The following CCDC7 variants were observed in gnomAD, a reference collection of about 807,000 sequenced individuals.
CCDC7 encodes coiled-coil domain containing 7, also known as coiled-coil domain-containing protein 7.
Under a neutral mutation model 196.9 loss-of-function variants are expected in CCDC7, and 183 were observed. The ratio of observed to expected loss-of-function variants is 0.93; its 90% CI spans 0.82 to 1.05. CCDC7 has a LOEUF of 1.05. CCDC7 is among the 50% of genes least tolerant of loss of function. CCDC7 has a pLI of 0.00. For synonymous variants in CCDC7, 525 were observed against 484.6 expected (o/e 1.08, Z -1.10); for missense variants, 1,540 against 1,482.2 (o/e 1.04, Z -0.64).
At chr10:32,624,157 T>G (rs1452661299) in intron 18 of CCDC7, among the ~76,000 whole-genome samples, 1 of 152,158 alleles carries the variant, frequency 6.6e-6, no homozygotes, top group African/African-American at 2.4e-5. Context: ...TATAAAAAAT[T>G]CAACCACTTT....
chr10:32,514,915 C>T (rs2046789382), intron 9 of CCDC7, among the ~76,000 whole-genome samples: 1 of 152,206 alleles, frequency 6.6e-6, no homozygotes, highest in Non-Finnish European at 1.5e-5. Flanking sequence ...GCTGCTAACT[C>T]CTAGGCCCAA....
chr10:32,796,699 A>G (rs1357149499), intron 29 of CCDC7, among the ~76,000 whole-genome samples: 1 of 152,080 alleles, frequency 6.6e-6, no homozygotes, highest in African/African-American at 2.4e-5. Flanking sequence ...TGCTTTTCAC[A>G]CTTTATGAGA....
chr10:32,631,205 G>C (rs1243860308), intron 18 of CCDC7, among the ~76,000 whole-genome samples: 1 of 152,026 alleles, frequency 6.6e-6, no homozygotes, highest in South Asian at 2.1e-4. Flanking sequence ...TGTGCTTTTG[G>C]TGTCATATCC....
At chr10:32,733,973 G>C in intron 28 of CCDC7, among the ~76,000 whole-genome samples, 1 of 152,170 alleles carries the variant, frequency 6.6e-6, no homozygotes, top group East Asian at 1.9e-4. Context: ...CTTACACACT[G>C]TTGGTGGGAG....
intron 11 of CCDC7, among the ~76,000 whole-genome samples, chr10:32,526,110 T>C (rs1447298785): frequency 6.6e-6 from 1 of 152,252 alleles, no homozygotes; most frequent in Admixed American, 6.5e-5. Context: ...CTGCTATGGC[T>C]AAGCTGGAAC....
chr10:32,777,886 T>G (rs1047712199), intron 28 of CCDC7, among the ~76,000 whole-genome samples: 1 of 152,174 alleles, frequency 6.6e-6, no homozygotes, highest in African/African-American at 2.4e-5. Context: ...ATAGCCATTC[T>G]GACTGGTGTG....
chr10:32,676,477 A>G (rs2074995957), intron 21 of CCDC7, among the ~76,000 whole-genome samples: 1 of 151,646 alleles, frequency 6.6e-6, no homozygotes, highest in African/African-American at 2.4e-5. Context: ...TCATCTGACA[A>G]AGGGCTAATA....
chr10:32,835,823 C>T (rs950435836), intron 33 of CCDC7, among the ~76,000 whole-genome samples: 4 of 151,830 alleles, frequency 2.6e-5, no homozygotes, highest in African/African-American at 7.3e-5. Context: ...ACTTGTACCC[C>T]GAACTTAAAA....
At chr10:32,718,483 C>T (rs1038712590) in intron 25 of CCDC7, among the ~76,000 whole-genome samples, 1 of 152,188 alleles carries the variant, frequency 6.6e-6, no homozygotes, top group Admixed American at 6.5e-5. Context: ...TGCCCTCTCT[C>T]ACCACTCCTA....
rs1201203396 is a variant in CCDC7 at position 32,700,269 on chromosome 10, A to G, written c.2458+5277A>G. Reference sequence around the variant, plus strand: ...AAGGGATCCAGATTCAGCTTTCTCCATATGGCTAGCCAGTTTTCCTAGCAC... The same window carrying G: ...AAGGGATCCAGATTCAGCTTTCTCCGTATGGCTAGCCAGTTTTCCTAGCAC... On this transcript the variant is annotated intron_variant, in intron 24 of 41. Coordinates refer to ENST00000639629, the Ensembl canonical transcript of CCDC7. Among the ~76,000 whole-genome samples, 4 of 149,530 alleles carry G rather than the reference A, an allele frequency of 2.7e-5. 1 individual carries two copies. The highest frequency in any genetic ancestry group is 7.7e-5 in the African/African-American group (3 of 38,874).
intron 3 of CCDC7, among the ~76,000 whole-genome samples, chr10:32,460,324 G>T (rs184564911): frequency 1.3e-5 from 2 of 152,130 alleles, no homozygotes; most frequent in South Asian, 2.1e-4. Flanking sequence ...AAAATAAAAA[G>T]GCATTTCACA....
chr10:32,658,243 T>TA (rs1375316422), intron 20 of CCDC7, among the ~76,000 whole-genome samples: 1 of 152,216 alleles, frequency 6.6e-6, no homozygotes, highest in East Asian at 1.9e-4. Context: ...ATTTACTATA[T>TA]TAGTTCATTC....
chr10:32,746,571 G>A (rs1435956833), intron 28 of CCDC7, among the ~76,000 whole-genome samples: 5 of 152,096 alleles, frequency 3.3e-5, no homozygotes, highest in Admixed American at 6.5e-5. Flanking sequence ...AGTGACATCG[G>A]GCCAATCTTA....
intron 8 of CCDC7, among the ~76,000 whole-genome samples, chr10:32,482,074 T>C (rs2040058117): frequency 6.6e-6 from 1 of 152,124 alleles, no homozygotes; most frequent in African/African-American, 2.4e-5. Flanking sequence ...CCATTATTTC[T>C]TCAAATAAGC....
At chr10:32,477,892 T>C (rs1485971257) in intron 8 of CCDC7, among the ~76,000 whole-genome samples, 1 of 152,200 alleles carries the variant, frequency 6.6e-6, no homozygotes, top group Admixed American at 6.5e-5. Context: ...GGGATTTTGA[T>C]TGAGATTGCA....
intron 28 of CCDC7, among the ~76,000 whole-genome samples, chr10:32,756,877 A>G (rs1190662849): frequency 1.3e-5 from 2 of 152,216 alleles, no homozygotes; most frequent in African/African-American, 2.4e-5. Flanking sequence ...AGAGACACAC[A>G]TAGGCTCAAA....
chr10:32,662,350 A>C (rs2140417694), intron 20 of CCDC7, among the ~76,000 whole-genome samples: 1 of 152,294 alleles, frequency 6.6e-6, no homozygotes, highest in Admixed American at 6.5e-5. Context: ...GTTCCTACTA[A>C]GGTGCTTTTT....
intron 28 of CCDC7, among the ~76,000 whole-genome samples, chr10:32,736,291 A>G (rs2084856323): frequency 6.6e-6 from 1 of 151,350 alleles, no homozygotes; most frequent in South Asian, 2.1e-4. Context: ...ATTCTTTAAC[A>G]TGGACTATTG....
intron 11 of CCDC7, among the ~76,000 whole-genome samples, chr10:32,528,720 A>G (rs1311524901): frequency 6.9e-6 from 1 of 144,126 alleles, no homozygotes; most frequent in African/African-American, 2.6e-5. Context: ...ATATACATAT[A>G]TACGTATTTA....
Sources: allele counts gnomAD v4.1 joint callset (sites outside exome capture counted in the v4.1 genomes callset), GRCh38; gene constraint gnomAD v4.1.1; transcripts MANE v1.5; gene names NCBI Gene and HGNC (gene_info 2026-07-23, HGNC 2026-07-21).